Variants in GOT1 observed in about 807,000 individuals in gnomAD.
The protein encoded by GOT1 is glutamic-oxaloacetic transaminase 1.
GOT1 carries 25 observed loss-of-function variants against 48.2 expected under a neutral mutation model. The ratio of observed to expected loss-of-function variants is 0.52; its 90% confidence interval spans 0.38 to 0.72. The LOEUF (loss-of-function observed/expected upper bound fraction) is 0.72, where lower values mean the gene tolerates loss of function less well. Ranked by LOEUF, GOT1 falls within the 30% of genes least tolerant of loss-of-function variation. GOT1 has a pLI of 0.00. For synonymous variants in GOT1, 188 were observed against 193.8 expected (o/e 0.97, Z 0.25); for missense variants, 380 against 520.1 (o/e 0.73, Z 2.62).
chr10:99,418,189 C>T (rs2032922318), intron 2 of GOT1, among the ~76,000 whole-genome samples: 1 of 151,766 alleles, frequency 6.6e-6, no homozygotes, highest in African/African-American at 2.4e-5. Context: ...TGAAGATGGC[C>T]TTTTAAAATT....
chr10:99,407,827 A>T (rs995249590), intron 2 of GOT1, among the ~76,000 whole-genome samples: 1 of 150,970 alleles, frequency 6.6e-6, no homozygotes, highest in African/African-American at 2.4e-5. Flanking sequence ...AAGTTCTGGG[A>T]TATGTGTGCA....
chr10:99,410,451 C>A (rs76667005), intron 2 of GOT1, among the ~76,000 whole-genome samples: 93 of 152,250 alleles, frequency 6.1e-4, no homozygotes, highest in African/African-American at 2.2e-3. Flanking sequence ...TTCACTCCAC[C>A]CTTTCTCTCC....
intron 4 of GOT1, 94 bp from the exon 5 acceptor site, chr10:99,405,954 C>A (rs2032749758): frequency 9.7e-6 from 8 of 820,588 alleles, no homozygotes; most frequent in South Asian, 2.7e-5. Flanking sequence ...GGGCAAAGGG[C>A]AACCATATTC....
chr10:99,401,611 G>A (rs2032679845), intron 8 of GOT1, among the ~76,000 whole-genome samples: 1 of 151,058 alleles, frequency 6.6e-6, no homozygotes, highest in African/African-American at 2.4e-5. Flanking sequence ...AGGTTGCAGT[G>A]AGTCGAGATC....
intron 1 of GOT1, among the ~76,000 whole-genome samples, chr10:99,423,290 T>C (rs544822590): frequency 4.9e-4 from 75 of 152,382 alleles, no homozygotes; most frequent in Admixed American, 1.1e-3. Context: ...TTGTTTTATA[T>C]ATAATTTATT....
chr10:99,429,517 T>C (rs968888576), intron 1 of GOT1, among the ~76,000 whole-genome samples: 1 of 152,204 alleles, frequency 6.6e-6, no homozygotes, highest in Non-Finnish European at 1.5e-5. Context: ...CATAAGACTT[T>C]ATCCTACCCA....
intron 1 of GOT1, among the ~76,000 whole-genome samples, chr10:99,423,747 C>G (rs569314728): frequency 6.6e-6 from 1 of 152,160 alleles, no homozygotes; most frequent in South Asian, 2.1e-4. Context: ...CCCCTGGGCT[C>G]AAGCAATTCT....
rs772757068 is a variant in GOT1, at chr10:99,403,624, G to A, written c.804C>T (p.Val268=). Residue 268 remains valine (V), a synonymous_variant, in exon 7 of 9, where the codon GTC becomes GTT. Coordinates refer to ENST00000370508, the MANE Select transcript of GOT1 (RefSeq NM_002079.3). ...SKNFGLYNER[V]GNLTVVGKEP... ...CTTTTCCAACCACAGTCAGATTCCCGACTCTCTCATCTAAAGAGAGGGACC... is the reference window on the plus strand; with the variant it reads ...CTTTTCCAACCACAGTCAGATTCCCAACTCTCTCATCTAAAGAGAGGGACC... 1.5e-5 allele frequency: 25 copies of A among 1,613,908 alleles called. No homozygotes were observed. Among genetic ancestry groups the A allele is most frequent in the South Asian group, 7.7e-5 (7 of 91,062 alleles).
At position 99,401,389 on chromosome 10, in the gene GOT1, A is replaced by G. The variant is rs537136742; in HGVS notation, c.1102+1191T>C. Among the ~76,000 whole-genome samples, 4 of 152,228 alleles carry G rather than the reference A, an allele frequency of 2.6e-5. No homozygotes were observed. In the East Asian group the frequency reaches 5.8e-4, roughly 22 times the overall value. ...TTGGATTTTTCTGAGCCCACTTCAC[A>G]CTGGCACTGTGATGGCCCCAGTTAA... On this transcript the variant is annotated intron_variant, in intron 8 of 8. Transcript: ENST00000370508.
chr10:99,427,732 C>G (rs546061982), intron 1 of GOT1, among the ~76,000 whole-genome samples: 2 of 152,298 alleles, frequency 1.3e-5, no homozygotes, highest in East Asian at 3.9e-4. Flanking sequence ...CTACAGTGTA[C>G]TGGCTACCAC....
intron 7 of GOT1, 82 bp downstream of exon 7, chr10:99,403,387 G>A (rs1034770500): frequency 8.8e-7 from 1 of 1,132,386 alleles, no homozygotes; most frequent in East Asian, 2.4e-5. Flanking sequence ...AAAATGAAAG[G>A]AAGAGACCCA....
intron 1 of GOT1, among the ~76,000 whole-genome samples, chr10:99,429,943 G>A (rs570305153): frequency 1.3e-5 from 2 of 152,142 alleles, no homozygotes; most frequent in South Asian, 2.1e-4. Context: ...AAATCCTTAA[G>A]GGCAAAATCA....
rs752608223 is a variant in GOT1, at chr10:99,420,683, G to A, written c.241C>T (p.Arg81Trp). ...AGGGCAAGACGAGAAGCACAGCTCCGGAACTCAGCCAGGCCCAGGATTGGC... is the reference window on the plus strand; with the variant it reads ...AGGGCAAGACGAGAAGCACAGCTCCAGAACTCAGCCAGGCCCAGGATTGGC... ...YLPILGLAEF[R>W]SCASRLALGD... The change falls in exon 2 of 9, where the codon CGG (arginine) becomes TGG (tryptophan). Residue 81 changes from arginine (R) to tryptophan (W), a missense_variant. Arg to Trp is a moderately radical substitution (Grantham distance 101). Coordinates refer to ENST00000370508, the MANE Select transcript of GOT1 (RefSeq NM_002079.3). The A allele has an allele frequency of 6.2e-6, 10 of 1,614,062 alleles. No individual in the cohort carries two copies. The highest frequency in any genetic ancestry group is 5.1e-6 in the Non-Finnish European group (6 of 1,179,974).
At chr10:99,415,176 A>G (rs2032879454) in intron 2 of GOT1, among the ~76,000 whole-genome samples, 3 of 152,202 alleles carry the variant, frequency 2.0e-5, no homozygotes, top group Admixed American at 2.0e-4. Context: ...AAAGATCAAC[A>G]AAATTGATAG....
chr10:99,429,938 C>T (rs745385718), intron 1 of GOT1, among the ~76,000 whole-genome samples: 4 of 152,038 alleles, frequency 2.6e-5, no homozygotes, highest in African/African-American at 7.3e-5. Context: ...TTTTTAAATC[C>T]TTAAGGGCAA....
chr10:99,430,417 C>A, intron 1 of GOT1, 31 bp downstream of exon 1: 1 of 1,600,910 alleles, frequency 6.2e-7, no homozygotes, highest in Non-Finnish European at 8.5e-7. Context: ...ACTCCCCGAG[C>A]TGCTCACACT....
At chr10:99,423,220 A>G (rs2134109204) in intron 1 of GOT1, among the ~76,000 whole-genome samples, 1 of 152,316 alleles carries the variant, frequency 6.6e-6, no homozygotes, top group Non-Finnish European at 1.5e-5. Flanking sequence ...TATGAATGCA[A>G]TTGGGTATTT....
chr10:99,428,983 T>C (rs1026968656), intron 1 of GOT1, among the ~76,000 whole-genome samples: 3 of 152,046 alleles, frequency 2.0e-5, no homozygotes, highest in African/African-American at 4.8e-5. Context: ...TTCAACAAAT[T>C]ACCCGCTTCA....
At chr10:99,430,361 C>A in intron 1 of GOT1, 87 bp downstream of exon 1, 1 of 1,607,546 alleles carries the variant, frequency 6.2e-7, no homozygotes, top group Non-Finnish European at 8.5e-7. Context: ...CCACACTGGG[C>A]CTCGGCTTCT....
Sources: gnomAD v4.1 joint callset for allele counts (sites outside exome capture counted in the v4.1 genomes callset) on GRCh38, gnomAD v4.1.1 for gene constraint, MANE v1.5 for transcripts, NCBI Gene and HGNC (gene_info 2026-07-23, HGNC 2026-07-21) for gene names.